Variants in RNGTT observed in about 807,000 individuals in gnomAD.
RNGTT encodes the protein RNA guanylyltransferase and 5'-phosphatase.
A neutral mutation model predicts 79.3 loss-of-function variants in RNGTT; 33 were observed. The observed-to-expected ratio is 0.42, with a 90% CI of 0.32 to 0.56. The LOEUF is 0.56. Among genes scored for constraint, RNGTT ranks in the 20% least tolerant of loss-of-function variants. RNGTT has a pLI of 0.17. For synonymous variants in RNGTT, 222 were observed against 235.9 expected (o/e 0.94, Z 0.54); for missense variants, 497 against 739.1 (o/e 0.67, Z 3.80).
intron 2 of RNGTT, among the ~76,000 whole-genome samples, chr6:88,933,838 G>A (rs781104781): frequency 6.6e-5 from 10 of 151,950 alleles, no homozygotes; most frequent in Non-Finnish European, 1.3e-4. Flanking sequence ...AATTATTTCT[G>A]TTCCTTTGGA....
chr6:88,745,757 C>A (rs1200684034), intron 13 of RNGTT, among the ~76,000 whole-genome samples: 1 of 149,762 alleles, frequency 6.7e-6, no homozygotes, highest in Non-Finnish European at 1.5e-5. Context: ...AAGTATGTGT[C>A]GTATTAAAAA....
At chr6:88,900,022 G>T (rs967499356) in intron 6 of RNGTT, among the ~76,000 whole-genome samples, 1 of 151,778 alleles carries the variant, frequency 6.6e-6, no homozygotes, top group Non-Finnish European at 1.5e-5. Context: ...ATTCTCTGTA[G>T]AAGCAAAAGT....
intron 12 of RNGTT, among the ~76,000 whole-genome samples, chr6:88,772,505 C>A (rs1380908803): frequency 6.6e-6 from 1 of 151,704 alleles, no homozygotes; most frequent in African/African-American, 2.4e-5. Context: ...TTCTGCACAG[C>A]AAAAGAAACT....
chr6:88,638,950 C>T (rs1022593588), intron 14 of RNGTT, among the ~76,000 whole-genome samples: 3 of 152,108 alleles, frequency 2.0e-5, no homozygotes, highest in Non-Finnish European at 4.4e-5. Flanking sequence ...ATCAGCCAAA[C>T]TGAATTATAC....
intron 13 of RNGTT, among the ~76,000 whole-genome samples, chr6:88,713,570 T>C (rs147733605): frequency 4.6e-4 from 70 of 152,326 alleles, no homozygotes; most frequent in African/African-American, 1.7e-3. Flanking sequence ...CAGTGTCTTA[T>C]ATTGTGTATG....
chr6:88,900,840 T>TA (rs148990170), intron 6 of RNGTT, among the ~76,000 whole-genome samples: 98 of 143,998 alleles, frequency 6.8e-4, no homozygotes, highest in South Asian at 2.4e-3. Context: ...AAACAGTTTT[T>TA]AAAAAAAAAA....
chr6:88,755,468 C>T (rs149055237), intron 13 of RNGTT, among the ~76,000 whole-genome samples: 70 of 151,468 alleles, frequency 4.6e-4, no homozygotes, highest in African/African-American at 1.4e-3. Flanking sequence ...CAAACAACAA[C>T]GACAAAAAAA....
chr6:88,959,404 C>G (rs1377427912), intron 1 of RNGTT, among the ~76,000 whole-genome samples: 1 of 152,118 alleles, frequency 6.6e-6, no homozygotes, highest in Non-Finnish European at 1.5e-5. Flanking sequence ...TCTATTTGAG[C>G]AATCAGGATC....
intron 9 of RNGTT, 46 bp downstream of exon 9, chr6:88,853,583 A>T (rs1348433041): frequency 7.6e-7 from 1 of 1,315,972 alleles, no homozygotes. Context: ...CAAGGAAAAG[A>T]AAAATGGCAA....
At chr6:88,839,449 A>C (rs750837465) in intron 11 of RNGTT, among the ~76,000 whole-genome samples, 38 of 152,144 alleles carry the variant, frequency 2.5e-4, no homozygotes, top group Admixed American at 1.0e-3. Flanking sequence ...TCCGGTCTAT[A>C]GTTCCAGCTA....
intron 1 of RNGTT, among the ~76,000 whole-genome samples, chr6:88,957,958 C>A (rs890197351): frequency 6.6e-6 from 1 of 152,150 alleles, no homozygotes; most frequent in African/African-American, 2.4e-5. Context: ...AAAGGCATCA[C>A]ATTACCCAAC....
At chr6:88,706,084 C>T (rs991528953) in intron 13 of RNGTT, among the ~76,000 whole-genome samples, 1 of 152,024 alleles carries the variant, frequency 6.6e-6, no homozygotes, top group Non-Finnish European at 1.5e-5. Flanking sequence ...TGCCAATATT[C>T]CTTGAGTCCA....
intron 4 of RNGTT, among the ~76,000 whole-genome samples, chr6:88,924,634 T>C (rs1784262454): frequency 6.6e-6 from 1 of 152,096 alleles, no homozygotes; most frequent in Non-Finnish European, 1.5e-5. Context: ...CCCCAATTTG[T>C]CCAACATCTT....
chr6:88,756,001 G>A (rs896558125), intron 13 of RNGTT, among the ~76,000 whole-genome samples: 1 of 150,558 alleles, frequency 6.6e-6, no homozygotes, highest in Admixed American at 6.6e-5. Context: ...CTTGGTGGGG[G>A]AGAGTTGGTA....
At chr6:88,843,555 T>TC (rs1781376388) in intron 11 of RNGTT, among the ~76,000 whole-genome samples, 1 of 128,616 alleles carries the variant, frequency 7.8e-6, no homozygotes, top group Non-Finnish European at 1.7e-5. Flanking sequence ...ATTCTTTTTT[T>TC]TTTTTTTTTT....
In RNGTT at chr6:88,916,005, A is replaced by T. The variant is rs569633389; in HGVS notation, c.368-9565T>A. On this transcript the variant is annotated intron_variant, in intron 4 of 15. Coordinates refer to ENST00000369485, the MANE Select transcript of RNGTT (RefSeq NM_003800.5). ...CAAAATATGTAAGACCACGAAGCACATAAGTTGCTTAACATCATCAATTAT... is the reference window on the plus strand; with the variant it reads ...CAAAATATGTAAGACCACGAAGCACTTAAGTTGCTTAACATCATCAATTAT... Among the ~76,000 whole-genome samples, 20 of 152,376 alleles carry T rather than the reference A, an allele frequency of 1.3e-4. 1 individual carries two copies. The highest frequency in any genetic ancestry group is 2.8e-4 in the Non-Finnish European group (19 of 68,034).
chr6:88,675,141 T>C (rs1453984025), intron 14 of RNGTT, among the ~76,000 whole-genome samples: 2 of 151,524 alleles, frequency 1.3e-5, no homozygotes, highest in African/African-American at 2.4e-5. Flanking sequence ...CAGAAAACAT[T>C]AACAGAAAGT....
intron 6 of RNGTT, among the ~76,000 whole-genome samples, chr6:88,895,988 C>T (rs1297998417): frequency 6.6e-6 from 1 of 152,104 alleles, no homozygotes; most frequent in Non-Finnish European, 1.5e-5. Flanking sequence ...TCTTGAACAC[C>T]CCGTACCGTG....
At chr6:88,822,088 T>G (rs1582502896) in intron 11 of RNGTT, among the ~76,000 whole-genome samples, 1 of 152,174 alleles carries the variant, frequency 6.6e-6, no homozygotes, top group African/African-American at 2.4e-5. Flanking sequence ...ATACAGCCAG[T>G]TTTTCTCTAG....
Sources: allele counts gnomAD v4.1 joint callset (sites outside exome capture counted in the v4.1 genomes callset), GRCh38; gene constraint gnomAD v4.1.1; transcripts MANE v1.5; gene names NCBI Gene and HGNC (gene_info 2026-07-23, HGNC 2026-07-21).